The following CRISPLD2 variants were observed in gnomAD, a reference collection of about 807,000 sequenced individuals.
CRISPLD2 encodes cysteine-rich secretory protein LCCL domain-containing 2.
In CRISPLD2, 47 loss-of-function variants were observed where a neutral mutation model predicts 71.1. That is an observed-to-expected ratio of 0.66 (90% CI 0.52 to 0.84). CRISPLD2 has a LOEUF of 0.84. Ranked by LOEUF, CRISPLD2 falls within the 40% of genes least tolerant of loss-of-function variation. CRISPLD2 has a pLI of 0.00. For synonymous variants in CRISPLD2, 317 were observed against 250.1 expected, an observed-to-expected ratio of 1.27 and a Z score of -2.52; for missense variants, 830 against 651.1, an observed-to-expected ratio of 1.27 and a Z score of -2.99.
chr16:84,872,646 G>T (rs2071481398), intron 9 of CRISPLD2, 138 bp downstream of exon 9: 1 of 787,844 alleles, frequency 1.3e-6, no homozygotes, highest in East Asian at 2.7e-5. Flanking sequence ...ACTGGGGCGG[G>T]TGTATATTTA....
At chr16:84,891,826 C>T in intron 14 of CRISPLD2, among the ~76,000 whole-genome samples, 1 of 152,288 alleles carries the variant, frequency 6.6e-6, no homozygotes, top group East Asian at 1.9e-4. Flanking sequence ...CACTATCACC[C>T]AGGGTGTGGG....
Position 84,906,661 on chromosome 16 carries a change from G to T in CRISPLD2, c.*19G>T. On this transcript the variant is annotated 3_prime_UTR_variant, in exon 15 of 15. Transcript: ENST00000262424. Reference sequence around the variant, plus strand: ...GCAGTGAATTTCCAGCACCAGGGGAGAAGGGGCGTCTTCAGGAGGGCTTCG... The same window carrying T: ...GCAGTGAATTTCCAGCACCAGGGGATAAGGGGCGTCTTCAGGAGGGCTTCG... 1 of 1,614,132 alleles carries T rather than the reference G, an allele frequency of 6.2e-7. No individual in the cohort carries two copies. The highest frequency in any genetic ancestry group is 8.5e-7 in the Non-Finnish European group (1 of 1,179,976).
At chr16:84,872,922 G>T in intron 9 of CRISPLD2, 70 bp from the exon 10 acceptor site, 1 of 1,537,612 alleles carries the variant, frequency 6.5e-7, no homozygotes, top group Admixed American at 2.0e-5. Context: ...CAAATGTTTG[G>T]GTATTTCTGG....
At chr16:84,905,111 T>C (rs983526087) in intron 14 of CRISPLD2, among the ~76,000 whole-genome samples, 5 of 152,020 alleles carry the variant, frequency 3.3e-5, no homozygotes, top group African/African-American at 1.2e-4. Context: ...TGAGACTCCA[T>C]CTGTACAAAA....
rs142773203 is a variant in CRISPLD2, at chr16:84,872,656, A to G, written c.981+148A>G. ...CTAGAACTGGGGCGGGTGTATATTT[A>G]TGGGCTTACAAACTAGCAAAGCCAC... On this transcript the variant is annotated intron_variant, in intron 9 of 14. Coordinates refer to ENST00000262424, the MANE Select transcript of CRISPLD2 (RefSeq NM_031476.4). The G allele has an allele frequency of 1.5e-3, 1,136 of 740,448 alleles. 12 individuals carry two copies. In the African/African-American group the frequency reaches 0.018, roughly 12 times the overall value. The allele number at this position is 740,448 out of a possible 1,614,324, so 45.9% of individuals were successfully genotyped here. A position where few individuals can be genotyped will look rare whatever the true frequency, so the allele number is the denominator to read the frequency against.
chr16:84,870,879 G>A lies in CRISPLD2; in HGVS notation c.915-1563G>A, dbSNP rs139682116. 5.2e-3 allele frequency among the ~76,000 whole-genome samples: 792 copies of A among 150,882 alleles called. 8 individuals carry two copies. Among genetic ancestry groups the A allele is most frequent in the African/African-American group, 0.018 (759 of 41,194 alleles). ...TTTGAGACCAGCCTGGGCAACTGGCGAAACCCTGTCTCTACTAGAAATACA... is the reference window on the plus strand; with the variant it reads ...TTTGAGACCAGCCTGGGCAACTGGCAAAACCCTGTCTCTACTAGAAATACA... On this transcript the variant is annotated intron_variant, in intron 8 of 14. Transcript: ENST00000262424.
chr16:84,838,944 A>G (rs1178977262), intron 2 of CRISPLD2: 2 of 730,846 alleles, frequency 2.7e-6, no homozygotes, highest in East Asian at 2.8e-5. Context: ...GCTGGAGTGC[A>G]ATGGCACAAT....
At chr16:84,894,328 T>C (rs942026956) in intron 14 of CRISPLD2, among the ~76,000 whole-genome samples, 11 of 152,204 alleles carry the variant, frequency 7.2e-5, no homozygotes, top group African/African-American at 2.7e-4. Context: ...ACCAGAACCA[T>C]TTTTTAACAC....
intron 2 of CRISPLD2, among the ~76,000 whole-genome samples, chr16:84,841,365 C>T (rs1916765551): frequency 6.6e-6 from 1 of 152,024 alleles, no homozygotes; most frequent in Non-Finnish European, 1.5e-5. Flanking sequence ...CTTCGGGTCT[C>T]AGAGGAGCTC....
At chr16:84,875,807 C>G (rs1022136763) in intron 11 of CRISPLD2, among the ~76,000 whole-genome samples, 1 of 151,418 alleles carries the variant, frequency 6.6e-6, no homozygotes, top group African/African-American at 2.4e-5. Context: ...CTCAGGTGAT[C>G]CACCCGCCTG....
At chr16:84,858,772 G>C (rs1251985830) in intron 6 of CRISPLD2, among the ~76,000 whole-genome samples, 2 of 152,190 alleles carry the variant, frequency 1.3e-5, no homozygotes, top group East Asian at 3.9e-4. Flanking sequence ...AATTACTTCT[G>C]GTGGGTCTTA....
intron 14 of CRISPLD2, among the ~76,000 whole-genome samples, chr16:84,894,873 A>C (rs1411168545): frequency 6.6e-6 from 1 of 152,078 alleles, no homozygotes; most frequent in Non-Finnish European, 1.5e-5. Context: ...ACAACTCAGC[A>C]CCGAGAATCT....
intron 7 of CRISPLD2, 57 bp from the exon 8 acceptor site, chr16:84,868,794 G>C: frequency 7.2e-7 from 1 of 1,384,938 alleles, no homozygotes; most frequent in South Asian, 1.2e-5. Flanking sequence ...ATGGGGAAGG[G>C]TCTTCTCACC....
chr16:84,852,419 C>A (rs1464273218), intron 5 of CRISPLD2, among the ~76,000 whole-genome samples: 1 of 152,176 alleles, frequency 6.6e-6, no homozygotes, highest in Non-Finnish European at 1.5e-5. Flanking sequence ...TGGTGTGGGA[C>A]CTCATATGAA....
At chr16:84,872,316 G>C in intron 8 of CRISPLD2, 126 bp from the exon 9 acceptor site, 1 of 804,270 alleles carries the variant, frequency 1.2e-6, no homozygotes, top group Admixed American at 2.3e-5. Context: ...AAAAACAATG[G>C]AATCCACATG....
chr16:84,869,112 T>C (rs1700630977), intron 8 of CRISPLD2, among the ~76,000 whole-genome samples: 1 of 152,196 alleles, frequency 6.6e-6, no homozygotes. Context: ...CCTATGGGAA[T>C]GCTGCAGGAT....
At chr16:84,905,610 C>T (rs909478434) in intron 14 of CRISPLD2, among the ~76,000 whole-genome samples, 2 of 151,894 alleles carry the variant, frequency 1.3e-5, no homozygotes, top group African/African-American at 4.8e-5. Context: ...AGACTGGTCT[C>T]GAATTCCAGA....
chr16:84,848,152 A>C (rs1032451), intron 3 of CRISPLD2, among the ~76,000 whole-genome samples: 3 of 152,026 alleles, frequency 2.0e-5, no homozygotes, highest in African/African-American at 7.2e-5. Context: ...CCCCACAGCC[A>C]TGCCAGTGCC....
chr16:84,905,481 A>G (rs562711216), intron 14 of CRISPLD2, among the ~76,000 whole-genome samples: 1 of 148,518 alleles, frequency 6.7e-6, no homozygotes, highest in Non-Finnish European at 1.5e-5. Context: ...CTCACTGCAC[A>G]CTCCACCTCC....
Sources: gnomAD v4.1 joint callset for allele counts (sites outside exome capture counted in the v4.1 genomes callset) on GRCh38, gnomAD v4.1.1 for gene constraint, MANE v1.5 for transcripts, NCBI Gene and HGNC (gene_info 2026-07-23, HGNC 2026-07-21) for gene names.